Variants in KCNAB1 observed in about 807,000 individuals in gnomAD.
KCNAB1 encodes the protein potassium voltage-gated channel subfamily A regulatory beta subunit 1.
KCNAB1 carries 35 observed loss-of-function variants against 64.6 expected under a neutral mutation model. The ratio of observed to expected loss-of-function variants is 0.54; its 90% CI spans 0.41 to 0.72. The LOEUF (loss-of-function observed/expected upper bound fraction) is 0.72, where lower values mean the gene tolerates loss of function less well. Ranked by LOEUF, KCNAB1 falls within the 30% of genes least tolerant of loss-of-function variation. The pLI, the probability that KCNAB1 is intolerant of heterozygous loss-of-function variation, is 0.00. For missense variants in KCNAB1, 401 were observed against 512.9 expected (o/e 0.78, Z 2.11); for synonymous variants, 177 against 183.8 (o/e 0.96, Z 0.30).
At chr3:156,499,705 T>G (rs1716252946) in intron 8 of KCNAB1, among the ~76,000 whole-genome samples, 1 of 152,152 alleles carries the variant, frequency 6.6e-6, no homozygotes, top group Admixed American at 6.5e-5. Flanking sequence ...CTCCTGAACC[T>G]GATTTTTTCA....
At chr3:156,178,634 T>C (rs1712557204) in intron 1 of KCNAB1, among the ~76,000 whole-genome samples, 1 of 152,230 alleles carries the variant, frequency 6.6e-6, no homozygotes, top group African/African-American at 2.4e-5. Flanking sequence ...TCTTTATTTT[T>C]TGAGAACCTA....
intron 1 of KCNAB1, among the ~76,000 whole-genome samples, chr3:156,389,484 C>T (rs545558483): frequency 6.6e-6 from 1 of 152,300 alleles, no homozygotes; most frequent in Admixed American, 6.5e-5. Flanking sequence ...ATGCCTGCCA[C>T]CCCAGATCCC....
chr3:156,159,414 T>G (rs184608103), intron 1 of KCNAB1, among the ~76,000 whole-genome samples: 30 of 152,298 alleles, frequency 2.0e-4, no homozygotes, highest in Middle Eastern at 3.4e-3. Context: ...GATATTTAAT[T>G]TAGCATGGAA....
At chr3:156,152,852 G>A (rs993275028) in intron 1 of KCNAB1, among the ~76,000 whole-genome samples, 1 of 152,168 alleles carries the variant, frequency 6.6e-6, no homozygotes, top group Non-Finnish European at 1.5e-5. Context: ...TGTATAAGAT[G>A]GGCACCTTTA....
intron 1 of KCNAB1, among the ~76,000 whole-genome samples, chr3:156,132,708 G>A (rs1031074973): frequency 6.6e-6 from 1 of 152,116 alleles, no homozygotes; most frequent in African/African-American, 2.4e-5. Context: ...TGTTTTTAAG[G>A]GGAGCTTCTA....
intron 1 of KCNAB1, among the ~76,000 whole-genome samples, chr3:156,363,804 A>T (rs907826856): frequency 6.6e-6 from 1 of 152,114 alleles, no homozygotes; most frequent in South Asian, 2.1e-4. Context: ...ATAGTTAGGG[A>T]TGTTTACAAG....
intron 1 of KCNAB1, among the ~76,000 whole-genome samples, chr3:156,183,297 G>A (rs558852005): frequency 6.6e-6 from 1 of 152,184 alleles, no homozygotes; most frequent in South Asian, 2.1e-4. Context: ...AGGGGTGGGA[G>A]ATAAGTCTCA....
At chr3:156,500,410 A>G (rs1260670235) in intron 8 of KCNAB1, among the ~76,000 whole-genome samples, 1 of 152,212 alleles carries the variant, frequency 6.6e-6, no homozygotes, top group African/African-American at 2.4e-5. Context: ...TTGAGTTTTC[A>G]ATAACTTACT....
intron 1 of KCNAB1, among the ~76,000 whole-genome samples, chr3:156,380,969 G>A (rs1712110560): frequency 6.6e-6 from 1 of 152,118 alleles, no homozygotes; most frequent in South Asian, 2.1e-4. Context: ...TTTACTAAAA[G>A]AGTAGATTTT....
At chr3:156,410,279 G>T (rs774125199) in intron 1 of KCNAB1, among the ~76,000 whole-genome samples, 73 of 152,124 alleles carry the variant, frequency 4.8e-4, no homozygotes, top group Non-Finnish European at 7.1e-4. Context: ...AAACAAATTT[G>T]CCAGGTAGAG....
At chr3:156,286,600 A>G (rs1164572639) in intron 1 of KCNAB1, among the ~76,000 whole-genome samples, 1 of 152,238 alleles carries the variant, frequency 6.6e-6, no homozygotes. Context: ...AAATTTTTTT[A>G]AGCAACAGGA....
chr3:156,235,113 G>T (rs1438794051), intron 1 of KCNAB1, among the ~76,000 whole-genome samples: 1 of 152,176 alleles, frequency 6.6e-6, no homozygotes, highest in African/African-American at 2.4e-5. Context: ...TCAAAGTCAT[G>T]TCTCAGAAAA....
intron 2 of KCNAB1, among the ~76,000 whole-genome samples, chr3:156,422,214 G>A (rs1467659897): frequency 6.6e-6 from 1 of 152,180 alleles, no homozygotes; most frequent in Non-Finnish European, 1.5e-5. Flanking sequence ...AAATAGAGAT[G>A]GCAATTCTAA....
At chr3:156,477,921 C>T (rs991192217) in intron 8 of KCNAB1, among the ~76,000 whole-genome samples, 1 of 152,090 alleles carries the variant, frequency 6.6e-6, no homozygotes, top group Non-Finnish European at 1.5e-5. Context: ...AATTTTGTAA[C>T]TCATACAGTG....
chr3:156,416,206 C>A (rs1330372068), intron 1 of KCNAB1, among the ~76,000 whole-genome samples: 1 of 152,198 alleles, frequency 6.6e-6, no homozygotes, highest in Non-Finnish European at 1.5e-5. Flanking sequence ...TACCTTCCTT[C>A]AACCCATTTT....
At chr3:156,247,616 G>T (rs1717539376) in intron 1 of KCNAB1, among the ~76,000 whole-genome samples, 1 of 152,130 alleles carries the variant, frequency 6.6e-6, no homozygotes, top group Non-Finnish European at 1.5e-5. Flanking sequence ...AGGCTGGAGT[G>T]CAGTGGCATG....
At chr3:156,230,821 T>C (rs972239488) in intron 1 of KCNAB1, among the ~76,000 whole-genome samples, 1 of 152,238 alleles carries the variant, frequency 6.6e-6, no homozygotes, top group Non-Finnish European at 1.5e-5. Context: ...ATTGTGTATC[T>C]TCTGTGTGTA....
chr3:156,468,664 C>T (rs972157698), intron 7 of KCNAB1, among the ~76,000 whole-genome samples: 3 of 152,148 alleles, frequency 2.0e-5, no homozygotes, highest in Non-Finnish European at 4.4e-5. Context: ...AAGCACTTAA[C>T]GCATGTTATT....
At chr3:156,179,321 A>ACCTTT (rs1276621145) in intron 1 of KCNAB1, among the ~76,000 whole-genome samples, 1 of 151,970 alleles carries the variant, frequency 6.6e-6, no homozygotes, top group South Asian at 2.1e-4. Flanking sequence ...GTCCATTTAT[A>ACCTTT]CCTTTCCTTT....
Sources: allele counts gnomAD v4.1 joint callset (sites outside exome capture counted in the v4.1 genomes callset), GRCh38; gene constraint gnomAD v4.1.1; transcripts MANE v1.5; gene names NCBI Gene and HGNC (gene_info 2026-07-23, HGNC 2026-07-21).